NOP9: variants seen among roughly 807,000 people sequenced by gnomAD.
The protein encoded by NOP9 is nucleolar protein 9.
NOP9 carries 50 observed loss-of-function variants against 63.0 expected under a neutral mutation model. The ratio of observed to expected loss-of-function variants is 0.79; its 90% CI spans 0.63 to 1.00. NOP9 has a LOEUF of 1.00. NOP9 is among the 50% of genes least tolerant of loss of function. NOP9 has a pLI of 0.00. For missense variants in NOP9, 758 were observed against 803.0 expected, an observed-to-expected ratio of 0.94 and a Z score of 0.68; for synonymous variants, 343 against 332.8, an observed-to-expected ratio of 1.03 and a Z score of -0.33.
At chr14:24,287,135 C>T in the NOP9 span, among the ~76,000 whole-genome samples, 2 of 152,158 alleles carry the variant, frequency 1.3e-5, no homozygotes, top group Non-Finnish European at 2.9e-5. Context: ...AGTGACCCAC[C>T]CGCCTCTGCC....
the NOP9 span, among the ~76,000 whole-genome samples, chr14:24,275,112 T>G: frequency 1.3e-5 from 2 of 151,222 alleles, no homozygotes; most frequent in African/African-American, 4.9e-5. Flanking sequence ...GGGTTTCTCC[T>G]TGTTGGTCAG....
chr14:24,281,027 A>T, the NOP9 span, among the ~76,000 whole-genome samples: 1 of 152,170 alleles, frequency 6.6e-6, no homozygotes, highest in Non-Finnish European at 1.5e-5. Flanking sequence ...GACAGGAGCA[A>T]TGCTGTGTTC....
chr14:24,305,053 G>A lies in NOP9; in HGVS notation c.1869G>A (p.Val623=), dbSNP rs764076907. ...CTTGGGAACAGCAGCAGGGTGCGGT[G>A]GCCAAGCGGAGGCGGGCATTGAACT... The part of the protein sequence containing the change: ...REAWEQQQGA[V]AKRRRALNSI... Residue 623 remains valine (V), a synonymous_variant, in exon 10 of 10, where the codon GTG becomes GTA. Transcript: ENST00000267425. 2.5e-6 allele frequency: 4 copies of A among 1,594,908 alleles called. No homozygotes were observed. The highest frequency in any genetic ancestry group is 3.5e-5 in the Admixed American group (2 of 56,536).
chr14:24,282,660 A>G, the NOP9 span, among the ~76,000 whole-genome samples: 1 of 152,152 alleles, frequency 6.6e-6, no homozygotes, highest in South Asian at 2.1e-4. Context: ...TATGGGGCAT[A>G]TGTGTTGGTA....
upstream of NOP9, chr14:24,298,996 A>C (rs768422626): frequency 4.3e-6 from 7 of 1,613,438 alleles, no homozygotes; most frequent in East Asian, 6.7e-5. Context: ...GATGGCGGCC[A>C]GTGATGTAAA....
chr14:24,304,244 C>G lies in NOP9; in HGVS notation c.1614C>G (p.Arg538=). 6.2e-7 allele frequency: 1 copy of G among 1,614,064 alleles called. No individual in the cohort carries two copies. The highest frequency in any genetic ancestry group is 8.5e-7 in the Non-Finnish European group (1 of 1,179,998). The part of the protein sequence containing the change: ...DAILTSPSVT[R]KLRRRVLQNL... ...TCCTGACCAGCCCCTCTGTGACGCG[C>G]AAGCTGCGCCGCCGTGTGCTGCAGA... Residue 538 remains arginine, a synonymous_variant, in exon 8 of 10, where the codon CGC becomes CGG. Coordinates refer to ENST00000267425, the MANE Select transcript of NOP9 (RefSeq NM_174913.3).
Position 24,299,883 on chromosome 14 carries a change from C to A in NOP9, c.-72C>A. 1.3e-6 allele frequency: 2 copies of A among 1,483,914 alleles called. No homozygotes were observed. Among genetic ancestry groups the A allele is most frequent in the East Asian group, 4.7e-5 (2 of 43,004 alleles). The allele number at this position is 1,483,914 out of a possible 1,614,324, so 91.9% of individuals were successfully genotyped here. ...TTCTAAACTTTGTCTGGATAAGGCG[C>A]ACGCTTGGCGACGTCGAAGGTCCGT... On this transcript the variant is annotated 5_prime_UTR_variant, in exon 1 of 10. Transcript: ENST00000267425.
Position 24,306,153 on chromosome 14 carries a change from G to A in NOP9, c.*1058G>A, listed in dbSNP as rs1331964125. On this transcript the variant is annotated 3_prime_UTR_variant, in exon 10 of 10. Coordinates refer to ENST00000267425, the MANE Select transcript of NOP9 (RefSeq NM_174913.3). ...GCACTCCACTCTGTAGGACACCCTT[G>A]TCAGTGCAGTAGATCCTCATACCAG... is the stretch of plus-strand genomic sequence containing the variant. The A allele has an allele frequency of 6.2e-7, 1 of 1,610,174 alleles. No homozygotes were observed. The highest frequency in any genetic ancestry group is 8.5e-7 in the Non-Finnish European group (1 of 1,177,552).
At chr14:24,296,750 A>G (rs1368793500), upstream of NOP9, 2 of 1,614,228 alleles carry the variant, frequency 1.2e-6, no homozygotes, top group Admixed American at 1.7e-5. Flanking sequence ...GGACCCCTGC[A>G]TAAGCATTGT....
Position 24,306,711 on chromosome 14 carries a change from C to T in NOP9, c.*1616C>T. 4.6e-6 allele frequency: 3 copies of T among 656,612 alleles called. No individual in the cohort carries two copies. In the East Asian group the frequency reaches 8.3e-5, roughly 18 times the overall value. 40.7% of individuals were successfully genotyped at this position (656,612 alleles called of 1,614,324 possible). A position where few individuals can be genotyped will look rare whatever the true frequency, so the allele number is the denominator to read the frequency against. On this transcript the variant is annotated 3_prime_UTR_variant, in exon 10 of 10. Coordinates refer to ENST00000267425, the MANE Select transcript of NOP9 (RefSeq NM_174913.3). The stretch of plus-strand genomic sequence containing the variant: ...GTTTTTGGGGGATCCTAGCTAGAGG[C>T]TGACCTTTTTCCTCTTTGCTCCTAC...
chr14:24,299,640 T>C (rs2041328375), upstream of NOP9: 1 of 326,016 alleles, frequency 3.1e-6, no homozygotes, highest in African/African-American at 2.1e-5. Context: ...AAGTCTGGGT[T>C]CTCGCCCAGA....
At chr14:24,300,280 G>A in intron 1 of NOP9, 79 bp downstream of exon 1, 1 of 1,579,596 alleles carries the variant, frequency 6.3e-7, no homozygotes, top group Admixed American at 1.8e-5. Context: ...TCGGCAGGGC[G>A]TGGGGACTTA....
At position 24,307,652 on chromosome 14, in the gene NOP9, T is replaced by C. The variant is rs1383704599; in HGVS notation, c.*2557T>C. 4.0e-6 allele frequency: 4 copies of C among 1,012,336 alleles called. No individual in the cohort carries two copies. The highest frequency in any genetic ancestry group is 1.7e-5 in the African/African-American group (1 of 57,910). 62.7% of individuals were successfully genotyped at this position (1,012,336 alleles called of 1,614,324 possible). Reference sequence around the variant, plus strand: ...TCGATTAGGGATGAGGGAGAGACCATGGAGTGCAGGTGGGGGCGGGTGGCT... The same window carrying C: ...TCGATTAGGGATGAGGGAGAGACCACGGAGTGCAGGTGGGGGCGGGTGGCT... On this transcript the variant is annotated 3_prime_UTR_variant, in exon 10 of 10. Coordinates refer to ENST00000267425, the MANE Select transcript of NOP9 (RefSeq NM_174913.3).
the NOP9 span, among the ~76,000 whole-genome samples, chr14:24,282,550 C>T: frequency 1.3e-5 from 2 of 152,254 alleles, no homozygotes; most frequent in African/African-American, 2.4e-5. Context: ...TTGCTTGAGG[C>T]CCTCTAGGGA....
At chr14:24,273,608 C>G in the NOP9 span, among the ~76,000 whole-genome samples, 7 of 152,158 alleles carry the variant, frequency 4.6e-5, no homozygotes, top group Non-Finnish European at 8.8e-5. Context: ...TTTTCCTATC[C>G]CTGTGTATTT....
At position 24,305,786 on chromosome 14, in the gene NOP9, G is replaced by A. The variant is rs556078128; in HGVS notation, c.*691G>A. Reference sequence around the variant, plus strand: ...GCTCCCTGAATGGCAGAGACAAGAGGAAATCAGATGATTTGGAAAACTTGG... The same window carrying A: ...GCTCCCTGAATGGCAGAGACAAGAGAAAATCAGATGATTTGGAAAACTTGG... On this transcript the variant is annotated 3_prime_UTR_variant, in exon 10 of 10. Transcript: ENST00000267425. The A allele has an allele frequency of 4.3e-6, 7 of 1,609,244 alleles. No homozygotes were observed. In the African/African-American group the frequency reaches 9.4e-5, roughly 21 times the overall value.
the NOP9 span, among the ~76,000 whole-genome samples, chr14:24,284,991 C>T: frequency 6.6e-6 from 1 of 152,174 alleles, no homozygotes; most frequent in African/African-American, 2.4e-5. Flanking sequence ...AACTCCTCCT[C>T]AGTGACTTGT....
intron 7 of NOP9, 39 bp from the exon 8 acceptor site, chr14:24,304,002 T>A (rs945792468): frequency 1.3e-6 from 2 of 1,596,330 alleles, no homozygotes; most frequent in African/African-American, 2.7e-5. Flanking sequence ...TCCACCTGGC[T>A]TGTTGGTGCC....
chr14:24,281,226 G>C, the NOP9 span, among the ~76,000 whole-genome samples: 1 of 152,096 alleles, frequency 6.6e-6, no homozygotes, highest in Admixed American at 6.5e-5. Context: ...CTGAGGTGTG[G>C]TGTGTGGGGC....
Sources: gnomAD v4.1 joint callset for allele counts (sites outside exome capture counted in the v4.1 genomes callset) on GRCh38, gnomAD v4.1.1 for gene constraint, MANE v1.5 for transcripts, NCBI Gene and HGNC (gene_info 2026-07-23, HGNC 2026-07-21) for gene names.